Variants in DNAH12 observed in about 807,000 individuals in gnomAD.
DNAH12 encodes dynein axonemal heavy chain 12, also known as axonemal beta dynein heavy chain 12.
A neutral mutation model predicts 371.5 loss-of-function variants in DNAH12; 285 were observed. That is an observed-to-expected ratio of 0.77 (90% confidence interval 0.70 to 0.85). DNAH12 has a LOEUF of 0.85. Among genes scored for constraint, DNAH12 ranks in the 40% least tolerant of loss-of-function variants. The pLI is 0.00. For synonymous variants in DNAH12, 1,200 were observed against 1,213.0 expected, an observed-to-expected ratio of 0.99 and a Z score of 0.22; for missense variants, 3,611 against 3,689.4, an observed-to-expected ratio of 0.98 and a Z score of 0.55.
At chr3:57,320,122 T>G (rs547587062) in intron 65 of DNAH12, among the ~76,000 whole-genome samples, 1 of 152,320 alleles carries the variant, frequency 6.6e-6, no homozygotes, top group Non-Finnish European at 1.5e-5. Context: ...GAATCAGAAT[T>G]CCAGAAGTAG....
At chr3:57,441,201 A>C (rs747779085) in intron 29 of DNAH12, among the ~76,000 whole-genome samples, 1 of 152,208 alleles carries the variant, frequency 6.6e-6, no homozygotes, top group African/African-American at 2.4e-5. Context: ...TTTAGCAGAA[A>C]AGAGAACTCT....
At chr3:57,431,604 T>A (rs1029489734) in intron 32 of DNAH12, among the ~76,000 whole-genome samples, 4 of 152,208 alleles carry the variant, frequency 2.6e-5, no homozygotes, top group African/African-American at 9.7e-5. Context: ...TGTCCTATGG[T>A]CTAATGCTTC....
chr3:57,528,054 G>A (rs1304874279), intron 2 of DNAH12, among the ~76,000 whole-genome samples: 1 of 151,852 alleles, frequency 6.6e-6, no homozygotes, highest in Non-Finnish European at 1.5e-5. Flanking sequence ...TTGAGACAGA[G>A]TTTCGCTCTT....
chr3:57,449,400 G>A (rs1451462858), intron 25 of DNAH12, among the ~76,000 whole-genome samples: 6 of 152,218 alleles, frequency 3.9e-5, no homozygotes, highest in Non-Finnish European at 8.8e-5. Context: ...GCAGGGGGTG[G>A]TGCTCCTCAG....
intron 60 of DNAH12, among the ~76,000 whole-genome samples, chr3:57,348,044 G>A (rs2062584332): frequency 6.6e-6 from 1 of 152,104 alleles, no homozygotes; most frequent in Admixed American, 6.6e-5. Context: ...GAAAACTTAT[G>A]TTCTCACAAA....
intron 29 of DNAH12, among the ~76,000 whole-genome samples, chr3:57,440,579 G>GC (rs2065271122): frequency 6.6e-6 from 1 of 152,206 alleles, no homozygotes; most frequent in Non-Finnish European, 1.5e-5. Flanking sequence ...TGGGTACTAT[G>GC]CTCAGTACCT....
intron 69 of DNAH12, among the ~76,000 whole-genome samples, chr3:57,308,769 C>T (rs1450137367): frequency 1.3e-5 from 2 of 152,206 alleles, no homozygotes; most frequent in African/African-American, 4.8e-5. Context: ...TCCTCAGGCA[C>T]TCTCTAATTA....
At chr3:57,421,904 T>TTTTC (rs2064597384) in intron 35 of DNAH12, among the ~76,000 whole-genome samples, 198 bp from the exon 36 acceptor site, 1 of 131,360 alleles carries the variant, frequency 7.6e-6, no homozygotes, top group Non-Finnish European at 1.6e-5. Flanking sequence ...TTGCATGTCT[T>TTTTC]TTTTTTTTTT....
At chr3:57,359,339 C>T (rs1378058638) in intron 58 of DNAH12, among the ~76,000 whole-genome samples, 1 of 151,502 alleles carries the variant, frequency 6.6e-6, no homozygotes, top group Non-Finnish European at 1.5e-5. Flanking sequence ...GCGGGTGGAT[C>T]ATCTGAGGTC....
At chr3:57,525,154 C>CG (rs34872582) in intron 2 of DNAH12, among the ~76,000 whole-genome samples, 6 of 109,500 alleles carry the variant, frequency 5.5e-5, no homozygotes, top group African/African-American at 2.0e-4. Context: ...AGAGGAGAAA[C>CG]AAAAAAAAAA....
intron 11 of DNAH12, among the ~76,000 whole-genome samples, chr3:57,490,574 C>A (rs367858652): frequency 6.6e-6 from 1 of 152,110 alleles, no homozygotes; most frequent in African/African-American, 2.4e-5. Flanking sequence ...TATCTGCCTT[C>A]CTTCTCACTT....
chr3:57,317,852 G>A (rs1235618321), intron 65 of DNAH12, among the ~76,000 whole-genome samples: 1 of 152,000 alleles, frequency 6.6e-6, no homozygotes, highest in Non-Finnish European at 1.5e-5. Context: ...TTTGAAAATA[G>A]CCATCCCAGA....
rs1314533136 is a variant in DNAH12 at position 57,366,924 on chromosome 3, A to G, written c.8975-3T>C. The G allele has an allele frequency of 6.6e-6, 1 of 152,242 alleles. No homozygotes were observed. Among genetic ancestry groups the G allele is most frequent in the South Asian group, 2.1e-4 (1 of 4,836 alleles). The allele number at this position is 152,242 out of a possible 1,614,324, so 9.4% of individuals were successfully genotyped here. On this transcript the variant is annotated splice_region_variant and splice_polypyrimidine_tract_variant and intron_variant, in intron 56 of 73. Transcript: ENST00000495027. ...AAGTCTGATGCAATCAATGCCACCT[A>G]TATTTCAGAAAACAAATGCATAACA...
At chr3:57,450,380 C>G (rs965035086) in intron 25 of DNAH12, among the ~76,000 whole-genome samples, 1 of 150,910 alleles carries the variant, frequency 6.6e-6, no homozygotes, top group African/African-American at 2.4e-5. Flanking sequence ...GAAACCCTGT[C>G]TCTACCAAAA....
At chr3:57,553,969 C>A in the DNAH12 span, among the ~76,000 whole-genome samples, 2 of 151,336 alleles carry the variant, frequency 1.3e-5, no homozygotes, top group East Asian at 3.9e-4. Flanking sequence ...GGATTACAGG[C>A]GAACACCACT....
chr3:57,533,338 T>C (rs2068914241), intron 2 of DNAH12, among the ~76,000 whole-genome samples: 1 of 152,174 alleles, frequency 6.6e-6, no homozygotes, highest in African/African-American at 2.4e-5. Flanking sequence ...CACTGTGCCC[T>C]ACCTGCTACC....
At chr3:57,393,216 C>T (rs2153347745) in intron 44 of DNAH12, among the ~76,000 whole-genome samples, 1 of 152,304 alleles carries the variant, frequency 6.6e-6, no homozygotes, top group African/African-American at 2.4e-5. Context: ...GAGTCCTTTT[C>T]ACTCCAGATG....
intron 66 of DNAH12, among the ~76,000 whole-genome samples, chr3:57,312,661 A>T (rs1286621739): frequency 6.6e-6 from 1 of 152,216 alleles, no homozygotes; most frequent in African/African-American, 2.4e-5. Context: ...CTTGGCCAGA[A>T]GATGATTGAT....
chr3:57,545,316 TTTC>T (rs760259198), upstream of DNAH12, among the ~76,000 whole-genome samples: 1 of 147,358 alleles, frequency 6.8e-6, no homozygotes, highest in Non-Finnish European at 1.5e-5. Flanking sequence ...ACTAATTTTT[TTTC>T]TTTTCTTTTT....
Sources: gnomAD v4.1 joint callset for allele counts (sites outside exome capture counted in the v4.1 genomes callset) on GRCh38, gnomAD v4.1.1 for gene constraint, MANE v1.5 for transcripts, NCBI Gene and HGNC (gene_info 2026-07-23, HGNC 2026-07-21) for gene names.